Variants in TEX14 observed in about 807,000 individuals in gnomAD.
TEX14 encodes the protein inactive serine/threonine-protein kinase TEX14.
Under a neutral mutation model 178.6 loss-of-function variants are expected in TEX14, and 168 were observed. The ratio of observed to expected loss-of-function variants is 0.94; its 90% confidence interval spans 0.83 to 1.07. The LOEUF (loss-of-function observed/expected upper bound fraction) is 1.07, where lower values mean the gene tolerates loss of function less well. Among genes scored for constraint, TEX14 ranks in the 50% least tolerant of loss-of-function variants. TEX14 has a pLI of 0.00. For missense variants in TEX14, 1,730 were observed against 1,753.6 expected (o/e 0.99, Z 0.24); for synonymous variants, 626 against 634.1 (o/e 0.99, Z 0.19).
intron 1 of TEX14, 73 bp from the exon 2 acceptor site, chr17:58,652,075 A>G (rs947024723): frequency 4.7e-6 from 6 of 1,276,654 alleles, no homozygotes; most frequent in Non-Finnish European, 6.3e-6. Context: ...ATTCTTTTAC[A>G]TTTAGAAACC....
At chr17:58,573,614 G>A (rs1028050354) in intron 22 of TEX14, among the ~76,000 whole-genome samples, 1 of 152,144 alleles carries the variant, frequency 6.6e-6, no homozygotes, top group South Asian at 2.1e-4. Context: ...CGCCTCCCGG[G>A]TTCAAGTGAT....
chr17:58,587,551 G>T (rs762328352), intron 17 of TEX14, 30 bp downstream of exon 17: 24 of 1,298,928 alleles, frequency 1.8e-5, no homozygotes, highest in Non-Finnish European at 2.6e-5. Context: ...ATTTCATTTT[G>T]TCTAATAAAA....
At chr17:58,603,012 G>A (rs2045499458) in intron 11 of TEX14, among the ~76,000 whole-genome samples, 1 of 151,910 alleles carries the variant, frequency 6.6e-6, no homozygotes, top group African/African-American at 2.4e-5. Flanking sequence ...GTTGTAGTGA[G>A]CTGAGATTGC....
intron 1 of TEX14, among the ~76,000 whole-genome samples, chr17:58,666,115 T>C (rs1394222952): frequency 6.7e-6 from 1 of 150,142 alleles, no homozygotes; most frequent in Non-Finnish European, 1.5e-5. Flanking sequence ...AGGCTGAAGG[T>C]GTGGATCACT....
chr17:58,655,963 C>G (rs920742346), intron 1 of TEX14, among the ~76,000 whole-genome samples: 11 of 152,184 alleles, frequency 7.2e-5, no homozygotes, highest in South Asian at 6.2e-4. Flanking sequence ...TTAAAGGGCA[C>G]TGTTTTGGGG....
Position 58,587,661 on chromosome 17 carries a change from C to T in TEX14, c.2708G>A (p.Ser903Asn), listed in dbSNP as rs745672945. The change falls in exon 17 of 32, where the codon AGT (serine) becomes AAT (asparagine). Residue 903 changes from serine to asparagine, a missense_variant. Transcript: ENST00000349033. ...GATTTCAGAAGAAACAGGTTCCACA[C>T]TCATCCTGAATTGCACGGGTTTTTT... is the stretch of plus-strand genomic sequence containing the variant. ...PSCHWDSTRM[S>N]VEPVSSEIYN... 1.2e-6 allele frequency: 2 copies of T among 1,603,558 alleles called. No homozygotes were observed. The highest frequency in any genetic ancestry group is 1.1e-5 in the South Asian group (1 of 89,092).
intron 10 of TEX14, among the ~76,000 whole-genome samples, chr17:58,610,282 C>G (rs1211681929): frequency 2.6e-5 from 4 of 152,216 alleles, no homozygotes; most frequent in Non-Finnish European, 5.9e-5. Context: ...CTCATCAGCA[C>G]CCATCACCTT....
chr17:58,631,847 T>G (rs558205250), intron 2 of TEX14: 2 of 152,342 alleles, frequency 1.3e-5, no homozygotes, highest in South Asian at 2.1e-4. Context: ...AATGTCCATT[T>G]ATGTGCCTTC....
chr17:58,566,627 C>T (rs889727760), intron 26 of TEX14, among the ~76,000 whole-genome samples: 2 of 150,746 alleles, frequency 1.3e-5, no homozygotes, highest in African/African-American at 4.9e-5. Context: ...AGTGAAACCC[C>T]ATCTCTACTA....
chr17:58,579,580 TC>T (rs1470355643), intron 20 of TEX14, 84 bp downstream of exon 20: 2 of 1,151,848 alleles, frequency 1.7e-6, no homozygotes, highest in Non-Finnish European at 2.6e-6. Context: ...TCCCTCAGGA[TC>T]CCCCCAGCTC....
chr17:58,685,435 CAAA>C (rs761981101), intron 1 of TEX14, among the ~76,000 whole-genome samples: 12 of 78,610 alleles, frequency 1.5e-4, no homozygotes, highest in Admixed American at 2.8e-4. Flanking sequence ...GACTCGGTGT[CAAA>C]AAAAAAAAAA....
At chr17:58,643,424 G>A (rs995450714) in intron 2 of TEX14, among the ~76,000 whole-genome samples, 2 of 151,988 alleles carry the variant, frequency 1.3e-5, no homozygotes, top group African/African-American at 2.4e-5. Context: ...CCTCCCAAAC[G>A]TATTTCTCTT....
chr17:58,635,576 C>T (rs2046416408), intron 2 of TEX14, among the ~76,000 whole-genome samples: 2 of 151,940 alleles, frequency 1.3e-5, no homozygotes, highest in South Asian at 4.2e-4. Context: ...ATTACAGGCA[C>T]GCACAACCAT....
At chr17:58,623,992 A>G (rs2046070171) in intron 3 of TEX14, among the ~76,000 whole-genome samples, 1 of 152,234 alleles carries the variant, frequency 6.6e-6, no homozygotes, top group African/African-American at 2.4e-5. Context: ...AAATAAGAAT[A>G]CACTAAACAG....
rs150404063 is a variant in TEX14 at position 58,648,395 on chromosome 17, G to T, written c.136+3471C>A. On this transcript the variant is annotated intron_variant, in intron 2 of 31. Transcript: ENST00000349033. ...TTCACAGGTAGAATCCCCTTAGATGGCTCAGCTACCCACTGTGGAGTCTAC... is the reference window on the plus strand; with the variant it reads ...TTCACAGGTAGAATCCCCTTAGATGTCTCAGCTACCCACTGTGGAGTCTAC... 2.4e-3 allele frequency among the ~76,000 whole-genome samples: 364 copies of T among 152,194 alleles called. 3 individuals carry two copies. Among genetic ancestry groups the T allele is most frequent in the African/African-American group, 8.2e-3 (340 of 41,530 alleles).
At chr17:58,604,385 C>A (rs2045554282) in intron 11 of TEX14, among the ~76,000 whole-genome samples, 1 of 150,992 alleles carries the variant, frequency 6.6e-6, no homozygotes, top group South Asian at 2.1e-4. Context: ...GCAGAAGAAT[C>A]GCTTGGACCC....
intron 2 of TEX14, 133 bp from the exon 3 acceptor site, chr17:58,630,687 T>G: frequency 3.2e-6 from 2 of 619,014 alleles, no homozygotes; most frequent in Non-Finnish European, 5.7e-6. Flanking sequence ...TTAAAAAAAG[T>G]ACAAAGAAGG....
At chr17:58,593,065 A>AAC (rs1160457810) in intron 15 of TEX14, among the ~76,000 whole-genome samples, 2 of 152,068 alleles carry the variant, frequency 1.3e-5, no homozygotes, top group Non-Finnish European at 2.9e-5. Context: ...CATATATACA[A>AAC]ACACACACAC....
chr17:58,589,093 CTA>C (rs1001837238), intron 15 of TEX14, among the ~76,000 whole-genome samples: 59 of 151,416 alleles, frequency 3.9e-4, no homozygotes, highest in African/African-American at 1.4e-3. Flanking sequence ...GGTGAAAACT[CTA>C]TACTAAAAAA....
Sources: allele counts gnomAD v4.1 joint callset (sites outside exome capture counted in the v4.1 genomes callset), GRCh38; gene constraint gnomAD v4.1.1; transcripts MANE v1.5; gene names NCBI Gene and HGNC (gene_info 2026-07-23, HGNC 2026-07-21).